CERT1: variants seen among roughly 807,000 people sequenced by gnomAD.
CERT1 encodes the protein ceramide transfer protein.
A neutral mutation model predicts 87.9 loss-of-function variants in CERT1; 31 were observed. The ratio of observed to expected loss-of-function variants is 0.35; its 90% CI spans 0.27 to 0.48. The LOEUF (loss-of-function observed/expected upper bound fraction) is 0.48, where lower values mean the gene tolerates loss of function less well. CERT1 is among the 20% of genes least tolerant of loss of function. CERT1 has a pLI of 0.99. For synonymous variants in CERT1, 289 were observed against 250.9 expected (o/e 1.15, Z -1.44); for missense variants, 487 against 758.0 (o/e 0.64, Z 4.20).
chr5:75,453,554 C>T (rs1454622040), intron 3 of CERT1, among the ~76,000 whole-genome samples: 1 of 152,148 alleles, frequency 6.6e-6, no homozygotes, highest in Admixed American at 6.5e-5. Flanking sequence ...AGACCTAGGT[C>T]TGAATGCTGA....
chr5:75,419,829 A>G (rs192440991), intron 5 of CERT1, among the ~76,000 whole-genome samples: 2 of 152,212 alleles, frequency 1.3e-5, no homozygotes, highest in African/African-American at 4.8e-5. Context: ...AAGGTTACTG[A>G]GTTATGAATT....
chr5:75,403,068 C>G lies in CERT1; in HGVS notation c.931-10G>C, dbSNP rs1428168130. ...GACTGTTAGGGCCTTCCTATTCCAA[C>G]ACACAGTGGAGAAAAAAGCAGTTTA... On this transcript the variant is annotated splice_polypyrimidine_tract_variant and intron_variant, in intron 8 of 16. Coordinates refer to ENST00000643780, the MANE Select transcript of CERT1 (RefSeq NM_001379029.1). 6.3e-7 allele frequency: 1 copy of G among 1,585,886 alleles called. No homozygotes were observed. Among genetic ancestry groups the G allele is most frequent in the Admixed American group, 1.7e-5 (1 of 58,254 alleles).
At chr5:75,391,960 A>C (rs1762040925) in intron 11 of CERT1, among the ~76,000 whole-genome samples, 2 of 152,238 alleles carry the variant, frequency 1.3e-5, no homozygotes, top group African/African-American at 4.8e-5. Context: ...TATTCTGTTA[A>C]AAAACAGAAT....
chr5:75,403,701 T>G (rs1040662736), intron 8 of CERT1, among the ~76,000 whole-genome samples: 1 of 152,216 alleles, frequency 6.6e-6, no homozygotes, highest in Non-Finnish European at 1.5e-5. Context: ...TGATGCTTGA[T>G]AGTCTGGCTA....
intron 2 of CERT1, among the ~76,000 whole-genome samples, chr5:75,486,743 T>C (rs1766541256): frequency 6.6e-6 from 1 of 151,534 alleles, no homozygotes; most frequent in Non-Finnish European, 1.5e-5. Flanking sequence ...TAGCTAGAAA[T>C]AAAATAAGAT....
downstream of CERT1, chr5:75,374,091 C>T: frequency 2.5e-6 from 1 of 397,972 alleles, no homozygotes; most frequent in Non-Finnish European, 4.4e-6. Flanking sequence ...GGTCTTGGGC[C>T]ACAGACAAGG....
intron 2 of CERT1, among the ~76,000 whole-genome samples, chr5:75,495,100 G>C (rs1383100181): frequency 6.6e-6 from 1 of 152,126 alleles, no homozygotes; most frequent in African/African-American, 2.4e-5. Context: ...TCAGTCTTTT[G>C]GTTCCGTATA....
At chr5:75,430,317 C>G (rs573401515) in intron 3 of CERT1, among the ~76,000 whole-genome samples, 1 of 152,230 alleles carries the variant, frequency 6.6e-6, no homozygotes, top group East Asian at 1.9e-4. Context: ...AAGGTGGAAT[C>G]AAAGCTCTTC....
intron 3 of CERT1, among the ~76,000 whole-genome samples, chr5:75,432,912 A>C (rs1561259809): frequency 6.6e-6 from 1 of 152,202 alleles, no homozygotes; most frequent in Non-Finnish European, 1.5e-5. Context: ...AATCTTCTGC[A>C]TATGGCTAGC....
intron 11 of CERT1, among the ~76,000 whole-genome samples, chr5:75,394,036 T>C (rs977276997): frequency 6.6e-6 from 1 of 152,030 alleles, no homozygotes; most frequent in Non-Finnish European, 1.5e-5. Context: ...ATAGAATAAT[T>C]ATTAATAACA....
chr5:75,430,482 A>T (rs1301621364), intron 3 of CERT1, among the ~76,000 whole-genome samples: 1 of 152,208 alleles, frequency 6.6e-6, no homozygotes, highest in Non-Finnish European at 1.5e-5. Flanking sequence ...ATTTTTAAAA[A>T]AGACAAAACT....
intron 12 of CERT1, among the ~76,000 whole-genome samples, chr5:75,388,490 A>C (rs184278823): frequency 1.5e-3 from 224 of 151,510 alleles, no homozygotes; most frequent in Non-Finnish European, 2.4e-3. Context: ...ATTGTAAAAC[A>C]ATCTAATTGT....
intron 2 of CERT1, among the ~76,000 whole-genome samples, chr5:75,469,141 A>T (rs926710873): frequency 1.3e-5 from 2 of 152,178 alleles, no homozygotes; most frequent in Admixed American, 1.3e-4. Flanking sequence ...ATCAAACAGA[A>T]ATACTGGAGC....
At chr5:75,487,625 A>G (rs980461253) in intron 2 of CERT1, among the ~76,000 whole-genome samples, 1 of 152,124 alleles carries the variant, frequency 6.6e-6, no homozygotes, top group South Asian at 2.1e-4. Flanking sequence ...AGAAGTCTAT[A>G]AGAAGAAATC....
chr5:75,421,214 G>A (rs186153281), intron 5 of CERT1, among the ~76,000 whole-genome samples: 3 of 152,248 alleles, frequency 2.0e-5, no homozygotes, highest in East Asian at 3.9e-4. Flanking sequence ...CAGGAGCACC[G>A]TGGCTCTATA....
chr5:75,505,938 ACACT>A (rs1344601857), intron 2 of CERT1, 40 bp downstream of exon 2: 3 of 1,498,112 alleles, frequency 2.0e-6, no homozygotes, highest in African/African-American at 1.4e-5. Flanking sequence ...TATGTAGCTG[ACACT>A]CAATAAATAT....
intron 2 of CERT1, among the ~76,000 whole-genome samples, chr5:75,485,086 C>G (rs1766446474): frequency 6.6e-6 from 1 of 151,850 alleles, no homozygotes; most frequent in African/African-American, 2.4e-5. Context: ...ACAACACGCT[C>G]CAGAATGACC....
intron 17 of CERT1, chr5:75,369,513 G>GAA (rs578097631): frequency 2.7e-5 from 4 of 146,590 alleles, no homozygotes; most frequent in Admixed American, 1.4e-4. Flanking sequence ...AGTCTAATGG[G>GAA]AAAAAAAAAA....
At chr5:75,464,513 G>A (rs1305971584) in intron 2 of CERT1, among the ~76,000 whole-genome samples, 1 of 152,162 alleles carries the variant, frequency 6.6e-6, no homozygotes, top group Non-Finnish European at 1.5e-5. Context: ...CCCCTTCTTG[G>A]CACCCAGAAG....
Sources: allele counts gnomAD v4.1 joint callset (sites outside exome capture counted in the v4.1 genomes callset), GRCh38; gene constraint gnomAD v4.1.1; transcripts MANE v1.5; gene names NCBI Gene and HGNC (gene_info 2026-07-23, HGNC 2026-07-21).